Variants in TTC9B observed in about 807,000 individuals in gnomAD.
The protein encoded by TTC9B is tetratricopeptide repeat domain 9B.
A neutral mutation model predicts 19.4 loss-of-function variants in TTC9B; 12 were observed. That is an observed-to-expected ratio of 0.62 (90% CI 0.40 to 1.00). The LOEUF is 1.00. TTC9B is among the 50% of genes least tolerant of loss of function. The pLI, the probability that TTC9B is intolerant of heterozygous loss-of-function variation, is 0.00. For synonymous variants in TTC9B, 156 were observed against 158.6 expected, an observed-to-expected ratio of 0.98 and a Z score of 0.12; for missense variants, 316 against 345.2, an observed-to-expected ratio of 0.92 and a Z score of 0.67.
intron 2 of TTC9B, 51 bp downstream of exon 2, chr19:40,217,136 C>T: frequency 6.4e-7 from 1 of 1,562,096 alleles, no homozygotes; most frequent in Non-Finnish European, 8.7e-7. Flanking sequence ...GCTGCAGCCC[C>T]TTTCCCCGCC....
chr19:40,217,173 G>T lies in TTC9B; in HGVS notation c.610+14C>A. The T allele has an allele frequency of 1.9e-6, 3 of 1,604,928 alleles. No individual in the cohort carries two copies. Among genetic ancestry groups the T allele is most frequent in the African/African-American group, 1.3e-5 (1 of 74,928 alleles). ...TGGGCCCAGCCCTCACCTCTGCCCC[G>T]CCCCGCCACTCACCTGTGGGTTCCC... On this transcript the variant is annotated intron_variant, in intron 2 of 2. Coordinates refer to ENST00000311308, the MANE Select transcript of TTC9B (RefSeq NM_152479.6).
In TTC9B at chr19:40,217,947, C is replaced by T. The variant is rs1343631825; in HGVS notation, c.427+8G>A. 10 of 1,475,270 alleles carry T rather than the reference C, an allele frequency of 6.8e-6. No individual in the cohort carries two copies. The highest frequency in any genetic ancestry group is 4.7e-5 in the Admixed American group (2 of 42,284). The allele number at this position is 1,475,270 out of a possible 1,614,324, so 91.4% of individuals were successfully genotyped here. On this transcript the variant is annotated splice_region_variant and intron_variant, in intron 1 of 2. Coordinates refer to ENST00000311308, the MANE Select transcript of TTC9B (RefSeq NM_152479.6). ...CGTGCCCCATCCCCCCACCCCCCGA[C>T]GGCGTACCCGTGAGGGAGTCGTAAC...
rs1043143381 is a variant in TTC9B at position 40,216,225 on chromosome 19, G to A, written c.658C>T (p.Arg220Cys). The A allele has an allele frequency of 3.1e-6, 5 of 1,614,170 alleles. No individual in the cohort carries two copies. Among genetic ancestry groups the A allele is most frequent in the Non-Finnish European group, 3.4e-6 (4 of 1,180,032 alleles). ...YIQLTQLKMN[R>C]CSLQREDSGA... is the part of the protein sequence containing the mutation. Reference sequence around the variant, plus strand: ...CTGTCTTCCCGCTGGAGGCTGCAACGATTCATCTTCAGCTGAGTCAGCTGG... The same window carrying A: ...CTGTCTTCCCGCTGGAGGCTGCAACAATTCATCTTCAGCTGAGTCAGCTGG... The change falls in exon 3 of 3, where the codon CGT becomes TGT. Residue 220 changes from arginine to cysteine, a missense_variant. Transcript: ENST00000311308.
Position 40,216,149 on chromosome 19 carries a change from C to A in TTC9B, c.*14G>T. ...TGGGAGGGCGAGGGATAGAGAGGTC[C>A]CCCTGGATTGGCCTCAGCCAATTAC... On this transcript the variant is annotated 3_prime_UTR_variant, in exon 3 of 3. Coordinates refer to ENST00000311308, the MANE Select transcript of TTC9B (RefSeq NM_152479.6). The A allele has an allele frequency of 6.2e-7, 1 of 1,608,408 alleles. No individual in the cohort carries two copies. The highest frequency in any genetic ancestry group is 8.5e-7 in the Non-Finnish European group (1 of 1,174,788).
chr19:40,217,643 C>G (rs2145108264), intron 1 of TTC9B: 3 of 522,576 alleles, frequency 5.7e-6, no homozygotes, highest in Admixed American at 3.5e-5. Context: ...GCCGGGACCT[C>G]GAGAGCCTGG....
intron 2 of TTC9B, 162 bp from the exon 3 acceptor site, chr19:40,216,434 C>G (rs1973368690): frequency 1.6e-6 from 1 of 617,210 alleles, no homozygotes; most frequent in East Asian, 2.8e-5. Context: ...AGTCGGCAGT[C>G]CCCAGTCACA....
Position 40,217,387 on chromosome 19 carries a change from C to T in TTC9B, c.428-18G>A. On this transcript the variant is annotated intron_variant, in intron 1 of 2. Coordinates refer to ENST00000311308, the MANE Select transcript of TTC9B (RefSeq NM_152479.6). Reference sequence around the variant, plus strand: ...CAGGCAAGCTGCGAGGGCCCCGCGGCCGGCACTCTCAGAGCCTGCTGGCAC... The same window carrying T: ...CAGGCAAGCTGCGAGGGCCCCGCGGTCGGCACTCTCAGAGCCTGCTGGCAC... 1 of 1,606,530 alleles carries T rather than the reference C, an allele frequency of 6.2e-7. No individual in the cohort carries two copies.
chr19:40,217,244 C>G lies in TTC9B; in HGVS notation c.553G>C (p.Gly185Arg). 1 of 1,613,956 alleles carries G rather than the reference C, an allele frequency of 6.2e-7. No individual in the cohort carries two copies. The highest frequency in any genetic ancestry group is 1.1e-5 in the South Asian group (1 of 91,064). ...TAGCGCAGCGCGCGTGCGTAGTCGC[C>G]CAGGTGGTAGAAGGCAATGCCGGCA... is the stretch of plus-strand genomic sequence containing the variant. ...YRAGIAFYHL[G>R]DYARALRYLQ... Residue 185 changes from glycine (G) to arginine (R), a missense_variant, in exon 2 of 3, where the codon GGC becomes CGC. By Grantham distance (125) the Gly-to-Arg change is moderately radical (BLOSUM62 -2). Transcript: ENST00000311308.
chr19:40,218,296 G>A lies in TTC9B; in HGVS notation c.86C>T (p.Pro29Leu), dbSNP rs1023958609. The A allele has an allele frequency of 7.1e-7, 1 of 1,409,030 alleles. No homozygotes were observed. The highest frequency in any genetic ancestry group is 9.2e-7 in the Non-Finnish European group (1 of 1,089,330). 87.3% of individuals were successfully genotyped at this position (1,409,030 alleles called of 1,614,324 possible). ...PPRPPPALSP[P>L]GSGPGSGSRH... ...GGAGCCCGAGCCTGGGCCCGAGCCC[G>A]GTGGGGAGAGGGCGGGAGGCGGGCG... Residue 29 changes from proline (P) to leucine (L), a missense_variant, in exon 1 of 3, where the codon CCG (proline) becomes CTG (leucine). Pro to Leu is a moderately conservative substitution (Grantham distance 98). Coordinates refer to ENST00000311308, the MANE Select transcript of TTC9B (RefSeq NM_152479.6). The surrounding 1 kb of genome is among the most constrained non-coding windows in gnomAD (Gnocchi z 4.2).
chr19:40,216,991 G>A (rs956130864), intron 2 of TTC9B, 196 bp downstream of exon 2: 7 of 614,628 alleles, frequency 1.1e-5, no homozygotes, highest in Non-Finnish European at 2.0e-5. Context: ...TGTTTGAATG[G>A]CGGGTGAAGG....
intron 2 of TTC9B, 65 bp downstream of exon 2, chr19:40,217,122 C>T: frequency 6.5e-7 from 1 of 1,527,590 alleles, no homozygotes; most frequent in South Asian, 1.2e-5. Context: ...TGCCTGTTCC[C>T]TCCGCTGCAG....
chr19:40,217,531 G>A, intron 1 of TTC9B, 162 bp from the exon 2 acceptor site: 1 of 907,380 alleles, frequency 1.1e-6, no homozygotes, highest in Non-Finnish European at 1.6e-6. Context: ...AGGCGCAACT[G>A]CGCCGCTGCT....
rs757532504 is a variant in TTC9B at position 40,218,286 on chromosome 19, G to C, written c.96C>G (p.Gly32=). Residue 32 remains glycine (G), a synonymous_variant, in exon 1 of 3, where the codon GGC becomes GGG. Coordinates refer to ENST00000311308, the MANE Select transcript of TTC9B (RefSeq NM_152479.6). This position sits in a 1 kb window ranked among gnomAD's most constrained non-coding sequence, Gnocchi z 4.2. ...PPPALSPPGS[G]PGSGSRHGSA... is the part of the protein sequence containing the mutation. ...AGCCATGGCGGGAGCCCGAGCCTGG[G>C]CCCGAGCCCGGTGGGGAGAGGGCGG... 2.1e-6 allele frequency: 3 copies of C among 1,426,736 alleles called. No individual in the cohort carries two copies. The South Asian group carries it at 4.4e-5, about 21-fold the overall frequency. The allele number at this position is 1,426,736 out of a possible 1,614,324, so 88.4% of individuals were successfully genotyped here. A position where few individuals can be genotyped will look rare whatever the true frequency, so the allele number is the denominator to read the frequency against.
chr19:40,216,095 C>A lies in TTC9B; in HGVS notation c.*68G>T. On this transcript the variant is annotated 3_prime_UTR_variant, in exon 3 of 3. Coordinates refer to ENST00000311308, the MANE Select transcript of TTC9B (RefSeq NM_152479.6). ...GTGACAAGTGTTTTACCAACAAACACATGAGTCGGGGGAAGTTACATGGTG... is the reference window on the plus strand; with the variant it reads ...GTGACAAGTGTTTTACCAACAAACAAATGAGTCGGGGGAAGTTACATGGTG... 1 of 1,282,106 alleles carries A rather than the reference C, an allele frequency of 7.8e-7. No individual in the cohort carries two copies. Among genetic ancestry groups the A allele is most frequent in the African/African-American group, 1.5e-5 (1 of 68,610 alleles). The allele number at this position is 1,282,106 out of a possible 1,614,324, so 79.4% of individuals were successfully genotyped here. A position where few individuals can be genotyped will look rare whatever the true frequency, so the allele number is the denominator to read the frequency against.
In TTC9B at chr19:40,218,341, G is replaced by T; in HGVS notation, c.41C>A (p.Ala14Asp). ...CGGGCGCGGCGGAGGCTCCGGGGCA[G>T]CGCTGAGCATCAGCACCGGGGACAG... ...GALSPVLMLS[A>D]APEPPPRPPP... The change falls in exon 1 of 3, where the codon GCT becomes GAT. Residue 14 changes from alanine to aspartate, a missense_variant. Ala to Asp is a moderately radical substitution (Grantham distance 126). Transcript: ENST00000311308. The surrounding 1 kb of genome is among the most constrained non-coding windows in gnomAD (Gnocchi z 4.2). 4 of 1,351,740 alleles carry T rather than the reference G, an allele frequency of 3.0e-6. No homozygotes were observed. Among genetic ancestry groups the T allele is most frequent in the Non-Finnish European group, 3.8e-6 (4 of 1,059,840 alleles). 83.7% of individuals were successfully genotyped at this position (1,351,740 alleles called of 1,614,324 possible).
chr19:40,216,816 T>G, intron 2 of TTC9B: 2 of 379,900 alleles, frequency 5.3e-6, no homozygotes, highest in East Asian at 9.5e-5. Context: ...AATGGGTGAG[T>G]GGAGGAATGA....
intron 1 of TTC9B, 147 bp from the exon 2 acceptor site, chr19:40,217,516 G>A: frequency 9.7e-7 from 1 of 1,035,352 alleles, no homozygotes; most frequent in Non-Finnish European, 1.4e-6. Flanking sequence ...CTCGCCTATC[G>A]AAACAGGCGC....
In TTC9B at chr19:40,218,273, A is replaced by AGCCCGAGCCTGG; in HGVS notation, c.97_108dup (p.Pro33_Gly36dup). 6.8e-7 allele frequency: 1 copy of AGCCCGAGCCTGG among 1,465,872 alleles called. No individual in the cohort carries two copies. Among genetic ancestry groups the AGCCCGAGCCTGG allele is most frequent in the Non-Finnish European group, 9.0e-7 (1 of 1,114,466 alleles). 90.8% of individuals were successfully genotyped at this position (1,465,872 alleles called of 1,614,324 possible). A position where few individuals can be genotyped will look rare whatever the true frequency, so the allele number is the denominator to read the frequency against. ...CCGGGACGAGCCGAGCCATGGCGGG[A>AGCCCGAGCCTGG]GCCCGAGCCTGGGCCCGAGCCCGGT... is the stretch of plus-strand genomic sequence containing the variant. On this transcript the variant is annotated inframe_insertion, in exon 1 of 3. Coordinates refer to ENST00000311308, the MANE Select transcript of TTC9B (RefSeq NM_152479.6). This position sits in a 1 kb window ranked among gnomAD's most constrained non-coding sequence, Gnocchi z 4.2.
intron 1 of TTC9B, 38 bp downstream of exon 1, chr19:40,217,917 C>G: frequency 6.0e-6 from 7 of 1,170,600 alleles, no homozygotes; most frequent in South Asian, 1.5e-5. Context: ...ATTGCCCCCT[C>G]CCCTCGTGCC....
Sources: gnomAD v4.1 joint callset for allele counts on GRCh38, gnomAD v4.1.1 for gene constraint, Gnocchi (gnomAD v3.1) non-coding constraint, MANE v1.5 for transcripts, NCBI Gene and HGNC (gene_info 2026-07-23, HGNC 2026-07-21) for gene names.